RAD51B: variants seen among roughly 807,000 people sequenced by gnomAD.
The protein encoded by RAD51B is DNA repair protein RAD51 homolog 2.
Under a neutral mutation model 42.2 loss-of-function variants are expected in RAD51B, and 38 were observed. The observed-to-expected ratio is 0.90, with a 90% CI of 0.70 to 1.18. RAD51B has a LOEUF of 1.18. Among genes scored for constraint, RAD51B ranks in the 50% most tolerant of loss-of-function variants. The pLI is 0.00. For synonymous variants in RAD51B, 154 were observed against 145.2 expected (o/e 1.06, Z -0.43); for missense variants, 373 against 400.7 (o/e 0.93, Z 0.59).
At chr14:68,053,848 C>G (rs2076432375) in intron 7 of RAD51B, among the ~76,000 whole-genome samples, 1 of 152,132 alleles carries the variant, frequency 6.6e-6, no homozygotes, top group Admixed American at 6.6e-5. Flanking sequence ...CACAAATATC[C>G]TGATATAATT....
intron 7 of RAD51B, among the ~76,000 whole-genome samples, chr14:68,285,869 C>T (rs1351211328): frequency 6.6e-6 from 1 of 152,150 alleles, no homozygotes; most frequent in African/African-American, 2.4e-5. Context: ...TATCAAGAGC[C>T]ACTGAAAACC....
In RAD51B at chr14:68,069,231, C is replaced by G. The variant is rs140242707; in HGVS notation, c.756+182027C>G. Among the ~76,000 whole-genome samples, 935 of 152,140 alleles carry G rather than the reference C, an allele frequency of 6.1e-3. 36 individuals are homozygous for G. The highest frequency in any genetic ancestry group is 0.054 in the Admixed American group (831 of 15,278). On this transcript the variant is annotated intron_variant, in intron 7 of 10. Transcript: ENST00000471583. ...ATAAATTGGAGCAAGGAATAAAGGC[C>G]TCTGTATATTTAGAGGTGCTTTGGT...
chr14:67,877,149 G>A (rs1343810929), intron 5 of RAD51B, among the ~76,000 whole-genome samples: 1 of 152,022 alleles, frequency 6.6e-6, no homozygotes, highest in African/African-American at 2.4e-5. Context: ...TAGCCATTCT[G>A]TAATGTGAGG....
intron 7 of RAD51B, among the ~76,000 whole-genome samples, chr14:67,918,934 A>C (rs1490995852): frequency 6.6e-6 from 1 of 152,234 alleles, no homozygotes; most frequent in African/African-American, 2.4e-5. Flanking sequence ...ATGTGAAAGA[A>C]GGCATGAAAT....
chr14:68,008,688 T>C (rs879939860), intron 7 of RAD51B, among the ~76,000 whole-genome samples: 1 of 152,038 alleles, frequency 6.6e-6, no homozygotes, highest in Admixed American at 6.6e-5. Flanking sequence ...GAGTTTAAAG[T>C]GTTGACAGTT....
intron 8 of RAD51B, among the ~76,000 whole-genome samples, chr14:68,331,145 TG>T (rs2082338685): frequency 6.6e-6 from 1 of 151,848 alleles, no homozygotes; most frequent in African/African-American, 2.4e-5. Flanking sequence ...GGGTAGATCA[TG>T]AGGTCAGGAG....
chr14:68,540,898 G>A (rs1365640417), intron 10 of RAD51B: 1 of 985,324 alleles, frequency 1.0e-6, no homozygotes, highest in Non-Finnish European at 1.2e-6. Context: ...TTGAAGAGTA[G>A]GGCCAGATGA....
At chr14:68,312,877 G>A (rs959485451) in intron 8 of RAD51B, among the ~76,000 whole-genome samples, 1 of 152,142 alleles carries the variant, frequency 6.6e-6, no homozygotes, top group Non-Finnish European at 1.5e-5. Context: ...TATTAAGCTT[G>A]GGAAAGAATT....
At chr14:68,284,336 C>T (rs568348765) in intron 7 of RAD51B, among the ~76,000 whole-genome samples, 1 of 152,318 alleles carries the variant, frequency 6.6e-6, no homozygotes, top group South Asian at 2.1e-4. Context: ...ATTTTGAGTA[C>T]AGCACTCATC....
At chr14:68,105,735 T>C (rs2077365473) in intron 7 of RAD51B, among the ~76,000 whole-genome samples, 1 of 152,018 alleles carries the variant, frequency 6.6e-6, no homozygotes, top group Admixed American at 6.6e-5. Context: ...GCTTTTATTA[T>C]AGTAAGAAAA....
At chr14:67,927,796 C>A (rs564252147) in intron 7 of RAD51B, among the ~76,000 whole-genome samples, 3,589 of 146,296 alleles carry the variant, frequency 0.025, 195 homozygotes, top group African/African-American at 0.09. Context: ...ATGTGTGTGT[C>A]TTTTATGGTT....
At chr14:68,425,991 CCTTCCTTCCTTCCTTCCTTT>C (rs1001564987) in intron 9 of RAD51B, among the ~76,000 whole-genome samples, 8 of 74,032 alleles carry the variant, frequency 1.1e-4, no homozygotes, top group African/African-American at 5.4e-4. Context: ...TTCCTTCCTT[CCTTCCTTCCTTCCTTCCTTT>C]CTTTCTTTCT....
chr14:68,358,367 A>T (rs1349795173), intron 8 of RAD51B, among the ~76,000 whole-genome samples: 1 of 152,216 alleles, frequency 6.6e-6, no homozygotes, highest in Non-Finnish European at 1.5e-5. Context: ...ATAAAGCTAG[A>T]CATGCCTGTA....
intron 10 of RAD51B, among the ~76,000 whole-genome samples, chr14:68,532,761 A>G (rs1443434706): frequency 6.6e-6 from 1 of 152,250 alleles, no homozygotes; most frequent in Non-Finnish European, 1.5e-5. Flanking sequence ...TAAGAATACA[A>G]GAACAGACTA....
chr14:68,521,298 T>A (rs1316448012), intron 10 of RAD51B, among the ~76,000 whole-genome samples: 1 of 152,178 alleles, frequency 6.6e-6, no homozygotes, highest in African/African-American at 2.4e-5. Context: ...GACCTCCAGG[T>A]CCTGACTCCC....
At chr14:67,851,610 G>A (rs2041810418) in intron 4 of RAD51B, among the ~76,000 whole-genome samples, 1 of 151,402 alleles carries the variant, frequency 6.6e-6, no homozygotes, top group Non-Finnish European at 1.5e-5. Context: ...GGGTGGCCAC[G>A]GCAGAGGACC....
At chr14:68,451,423 C>T (rs921016566) in intron 9 of RAD51B, among the ~76,000 whole-genome samples, 1 of 152,096 alleles carries the variant, frequency 6.6e-6, no homozygotes, top group Admixed American at 6.5e-5. Context: ...ATACAAAAGA[C>T]GAAGCTGACA....
intron 7 of RAD51B, among the ~76,000 whole-genome samples, chr14:67,911,292 G>A (rs1311037101): frequency 2.0e-5 from 3 of 152,150 alleles, no homozygotes; most frequent in Admixed American, 1.3e-4. Context: ...TTACCTATGA[G>A]TTTGTTGGAA....
At chr14:67,894,982 C>T (rs1400736257) in intron 7 of RAD51B, among the ~76,000 whole-genome samples, 1 of 151,936 alleles carries the variant, frequency 6.6e-6, no homozygotes, top group Non-Finnish European at 1.5e-5. Context: ...GCTATGTTGC[C>T]CAGGCTGGTC....
Sources: gnomAD v4.1 joint callset for allele counts (sites outside exome capture counted in the v4.1 genomes callset) on GRCh38, gnomAD v4.1.1 for gene constraint, MANE v1.5 for transcripts, NCBI Gene and HGNC (gene_info 2026-07-23, HGNC 2026-07-21) for gene names.